KCNMA1: variants seen among roughly 807,000 people sequenced by gnomAD.
KCNMA1 encodes potassium calcium-activated channel subfamily M alpha 1.
KCNMA1 carries 29 observed loss-of-function variants against 140.0 expected under a neutral mutation model. The observed-to-expected ratio is 0.21, with a 90% CI of 0.15 to 0.28. The LOEUF (loss-of-function observed/expected upper bound fraction) is 0.28. KCNMA1 is among the 10% of genes least tolerant of loss of function. The probability of loss-of-function intolerance (pLI) is 1.00; values close to 1 mark genes in which losing one functional copy is unlikely to be tolerated. For synonymous variants in KCNMA1, 612 were observed against 611.9 expected, an observed-to-expected ratio of 1.00 and a Z score of 0.00; for missense variants, 880 against 1,602.2, an observed-to-expected ratio of 0.55 and a Z score of 7.70.
chr10:77,480,831 C>T (rs149319242), intron 1 of KCNMA1, among the ~76,000 whole-genome samples: 356 of 152,134 alleles, frequency 2.3e-3, no homozygotes, highest in Middle Eastern at 0.01. Context: ...CACGTGCAGC[C>T]GGGCACGGTG....
At position 77,108,906 on chromosome 10, in the gene KCNMA1, AAAC is replaced by A. The variant is rs1370003397; in HGVS notation, c.1132-337_1132-335del. On this transcript the variant is annotated intron_variant, in intron 8 of 27. Coordinates refer to ENST00000286628, the MANE Select transcript of KCNMA1 (RefSeq NM_001161352.2). This position sits in a 1 kb window ranked among gnomAD's most constrained non-coding sequence, Gnocchi z 4.6. Reference sequence around the variant, plus strand: ...AAGAGGGGGACATGCTAGTGAAACTAAACACACACAGACACATGTGTGCATGCA... The same window carrying A: ...AAGAGGGGGACATGCTAGTGAAACTAACACACAGACACATGTGTGCATGCA... Among the ~76,000 whole-genome samples the A allele has an allele frequency of 6.6e-6, 1 of 152,232 alleles. No homozygotes were observed. The highest frequency in any genetic ancestry group is 2.4e-5 in the African/African-American group (1 of 41,466).
intron 17 of KCNMA1, among the ~76,000 whole-genome samples, chr10:77,018,099 C>T (rs1298552366): frequency 6.6e-6 from 1 of 152,080 alleles, no homozygotes; most frequent in African/African-American, 2.4e-5. Context: ...ATGAGGAAAC[C>T]AAAGCTCTGA....
At chr10:77,119,805 T>G (rs147760921) in intron 6 of KCNMA1, among the ~76,000 whole-genome samples, 1,704 of 152,294 alleles carry the variant, frequency 0.011, 14 homozygotes, top group Non-Finnish European at 0.018. Flanking sequence ...TGGATTCTCT[T>G]TTTCTTTTCA....
At chr10:77,605,752 A>G (rs2084270878) in intron 1 of KCNMA1, among the ~76,000 whole-genome samples, 1 of 152,250 alleles carries the variant, frequency 6.6e-6, no homozygotes, top group Admixed American at 6.5e-5. Context: ...GCAGGCCCTC[A>G]GGCTGGCTGA....
intron 5 of KCNMA1, among the ~76,000 whole-genome samples, chr10:77,144,589 T>C (rs546806751): frequency 2.6e-5 from 4 of 152,308 alleles, no homozygotes; most frequent in African/African-American, 9.6e-5. Context: ...ATGTATAATA[T>C]ACTTATTAAA....
At chr10:77,404,093 AG>A in intron 1 of KCNMA1, 70 bp from the exon 2 acceptor site, 1 of 1,542,384 alleles carries the variant, frequency 6.5e-7, no homozygotes, top group Non-Finnish European at 8.9e-7. Context: ...CTACCCATAA[AG>A]AACCAGAGCC....
At chr10:76,870,957 T>C (rs948039751) in exon 28 of KCNMA1, 2 of 152,354 alleles carry the variant, frequency 1.3e-5, no homozygotes, top group African/African-American at 2.4e-5. Flanking sequence ...AATTCCCCTC[T>C]TGTTTCTCAT....
At chr10:77,105,043 A>G (rs1201479286) in intron 9 of KCNMA1, among the ~76,000 whole-genome samples, 2 of 152,166 alleles carry the variant, frequency 1.3e-5, no homozygotes. Flanking sequence ...CAACTCAGAG[A>G]GATTACCTGC....
At chr10:77,149,811 A>G (rs2098385840) in intron 5 of KCNMA1, 2 of 152,182 alleles carry the variant, frequency 1.3e-5, no homozygotes, top group Non-Finnish European at 2.9e-5. Flanking sequence ...GTGACAGAGG[A>G]TGGACACTGA....
chr10:76,970,299 C>T (rs1014146759), intron 19 of KCNMA1: 4 of 378,780 alleles, frequency 1.1e-5, no homozygotes, highest in Non-Finnish European at 1.9e-5. Context: ...TTTAAACAGA[C>T]TAAAACAGTT....
intron 1 of KCNMA1, among the ~76,000 whole-genome samples, chr10:77,432,432 C>T (rs1420069389): frequency 6.6e-6 from 1 of 152,204 alleles, no homozygotes; most frequent in Non-Finnish European, 1.5e-5. Context: ...CAAGTACAGC[C>T]ATCCAGTGTC....
At chr10:77,470,154 A>G (rs1216294798) in intron 1 of KCNMA1, among the ~76,000 whole-genome samples, 1 of 152,096 alleles carries the variant, frequency 6.6e-6, no homozygotes, top group Non-Finnish European at 1.5e-5. Flanking sequence ...CATCTTCTCC[A>G]CTGGTCACCA....
intron 1 of KCNMA1, among the ~76,000 whole-genome samples, chr10:77,509,102 T>TGG (rs1555403178): frequency 1.8e-4 from 3 of 16,790 alleles, no homozygotes; most frequent in African/African-American, 3.8e-4. Flanking sequence ...TTGTTGGGTT[T>TGG]TGTTGTTGTT....
intron 1 of KCNMA1, among the ~76,000 whole-genome samples, chr10:77,523,810 G>A (rs527641030): frequency 3.3e-4 from 50 of 152,210 alleles, no homozygotes; most frequent in African/African-American, 1.0e-3. Flanking sequence ...GGGGAGTGGC[G>A]GATTGGAGGG....
intron 1 of KCNMA1, among the ~76,000 whole-genome samples, chr10:77,570,407 A>C (rs1414869470): frequency 4.0e-5 from 6 of 150,270 alleles, no homozygotes; most frequent in Non-Finnish European, 8.8e-5. Flanking sequence ...CTACGCAGCC[A>C]TAAAAAATCA....
intron 9 of KCNMA1, among the ~76,000 whole-genome samples, chr10:77,104,417 ACCTT>A (rs1348634227): frequency 6.6e-6 from 1 of 152,084 alleles, no homozygotes; most frequent in African/African-American, 2.4e-5. Context: ...CATCCTGAGG[ACCTT>A]CCTTCAAGTT....
chr10:77,358,340 G>T (rs1408742210), intron 2 of KCNMA1, among the ~76,000 whole-genome samples: 3 of 152,086 alleles, frequency 2.0e-5, no homozygotes, highest in African/African-American at 7.2e-5. Context: ...TAAAGAGTGG[G>T]ATTCACTGAC....
chr10:77,558,194 C>G (rs2065179289), intron 1 of KCNMA1, among the ~76,000 whole-genome samples: 2 of 152,058 alleles, frequency 1.3e-5, no homozygotes, highest in African/African-American at 4.8e-5. Flanking sequence ...CTTCAGATCC[C>G]AGATGACTCC....
chr10:77,136,953 C>T (rs1477870998), intron 5 of KCNMA1, among the ~76,000 whole-genome samples: 2 of 152,164 alleles, frequency 1.3e-5, no homozygotes, highest in African/African-American at 4.8e-5. Context: ...AGAGCTTTCC[C>T]TTCGAAACTT....
Sources: allele counts gnomAD v4.1 joint callset (sites outside exome capture counted in the v4.1 genomes callset), GRCh38; gene constraint gnomAD v4.1.1; non-coding constraint Gnocchi (gnomAD v3.1); transcripts MANE v1.5; gene names NCBI Gene and HGNC (gene_info 2026-07-23, HGNC 2026-07-21).